Variants in RPRD2 observed in about 807,000 individuals in gnomAD.
RPRD2 encodes the protein regulation of nuclear pre-mRNA domain-containing protein 2.
In RPRD2, 12 loss-of-function variants were observed where a neutral mutation model predicts 104.4. The ratio of observed to expected loss-of-function variants is 0.11; its 90% confidence interval spans 0.07 to 0.19. The LOEUF is 0.19. Ranked by LOEUF, RPRD2 falls within the 10% of genes least tolerant of loss-of-function variation. The probability of loss-of-function intolerance (pLI) is 1.00; values close to 1 mark genes in which losing one functional copy is unlikely to be tolerated. For synonymous variants in RPRD2, 714 were observed against 684.9 expected (o/e 1.04, Z -0.66); for missense variants, 1,543 against 1,790.1 (o/e 0.86, Z 2.49).
chr1:150,444,152 G>C (rs1349354746), intron 5 of RPRD2, 99 bp from the exon 6 acceptor site: 1 of 1,165,362 alleles, frequency 8.6e-7, no homozygotes, highest in African/African-American at 1.6e-5. Flanking sequence ...TAGGGTGTTT[G>C]TTTTGTTTTG....
intron 2 of RPRD2, among the ~76,000 whole-genome samples, chr1:150,422,446 C>T (rs868960360): frequency 3.3e-5 from 5 of 151,570 alleles, no homozygotes; most frequent in South Asian, 2.1e-4. Flanking sequence ...ATTTTTTTCT[C>T]TTAAGGCTAT....
intron 7 of RPRD2, among the ~76,000 whole-genome samples, chr1:150,451,250 G>A (rs144914958): frequency 4.5e-4 from 68 of 152,210 alleles, no homozygotes; most frequent in African/African-American, 1.6e-3. Flanking sequence ...TTCATGTTTC[G>A]TCTTGTCAGA....
chr1:150,405,993 T>C (rs1251403754), intron 1 of RPRD2, among the ~76,000 whole-genome samples: 1 of 152,180 alleles, frequency 6.6e-6, no homozygotes, highest in Non-Finnish European at 1.5e-5. Context: ...GTTAAGTGCT[T>C]CCTTTAAGTG....
intron 1 of RPRD2, among the ~76,000 whole-genome samples, chr1:150,371,461 T>C (rs1365441124): frequency 1.3e-5 from 2 of 152,190 alleles, no homozygotes; most frequent in Non-Finnish European, 1.5e-5. Flanking sequence ...CCTCCCGTGT[T>C]CACTCCATTC....
chr1:150,417,968 T>C (rs1414252424), intron 2 of RPRD2, among the ~76,000 whole-genome samples: 1 of 151,646 alleles, frequency 6.6e-6, no homozygotes, highest in Non-Finnish European at 1.5e-5. Context: ...TTTCTTTTCT[T>C]TCTTTCTTTC....
intron 1 of RPRD2, among the ~76,000 whole-genome samples, chr1:150,389,051 C>T (rs587684269): frequency 6.6e-6 from 1 of 150,820 alleles, no homozygotes; most frequent in South Asian, 2.1e-4. Flanking sequence ...TTTGTTTTTC[C>T]CTGCAGACAG....
At chr1:150,387,567 C>CTTTTTTTTTTTTTTTTTTTTTTT (rs562476167) in intron 1 of RPRD2, among the ~76,000 whole-genome samples, 2 of 73,734 alleles carry the variant, frequency 2.7e-5, no homozygotes, top group Non-Finnish European at 4.9e-5. Context: ...TGCAACAGAC[C>CTTTTTTTTTTTTTTTTTTTTTTT]TTTTTTTTTT....
intron 1 of RPRD2, among the ~76,000 whole-genome samples, chr1:150,375,866 C>A (rs1660644901): frequency 1.3e-5 from 2 of 152,160 alleles, no homozygotes; most frequent in South Asian, 4.1e-4. Context: ...AAGAACAGAA[C>A]AATTTACAAA....
rs187975163 is a variant in RPRD2, at chr1:150,405,927, G to A, written c.206-11669G>A. Among the ~76,000 whole-genome samples the A allele has an allele frequency of 6.6e-5, 10 of 152,202 alleles. No homozygotes were observed. The East Asian group carries it at 1.9e-3, about 29-fold the overall frequency. On this transcript the variant is annotated intron_variant, in intron 1 of 10. Transcript: ENST00000369068. Reference sequence around the variant, plus strand: ...AGTAATCCTTAGTTTACTTAATAACGGTCCCAAAGCGCAAGAATAGTGATG... The same window carrying A: ...AGTAATCCTTAGTTTACTTAATAACAGTCCCAAAGCGCAAGAATAGTGATG...
In RPRD2 at chr1:150,444,272, C is replaced by A; in HGVS notation, c.589C>A (p.Leu197Met). 1 of 1,613,456 alleles carries A rather than the reference C, an allele frequency of 6.2e-7. No individual in the cohort carries two copies. The highest frequency in any genetic ancestry group is 8.5e-7 in the Non-Finnish European group (1 of 1,179,612). ...EFRSQALIEE[L>M]LLYKRSEDQI... ...TTAGTCTCAGGCCCTAATTGAAGAG[C>A]TGTTGCTATACAAGCGCTCAGAAGA... Residue 197 changes from leucine (L) to methionine (M), a missense_variant, in exon 6 of 11, where the codon CTG (leucine) becomes ATG (methionine). Leu to Met is a conservative substitution (Grantham distance 15, BLOSUM62 2). This residue lies in a region of RPRD2 where 572 missense variants were observed against 787.3 expected (regional missense o/e 0.73). Transcript: ENST00000369068.
intron 1 of RPRD2, among the ~76,000 whole-genome samples, chr1:150,373,958 T>A (rs1660520082): frequency 6.6e-6 from 1 of 152,160 alleles, no homozygotes; most frequent in Non-Finnish European, 1.5e-5. Flanking sequence ...CTGTCCCATT[T>A]CCTGGCATAC....
At chr1:150,400,338 T>A (rs1662874896) in intron 1 of RPRD2, among the ~76,000 whole-genome samples, 1 of 152,180 alleles carries the variant, frequency 6.6e-6, no homozygotes, top group Non-Finnish European at 1.5e-5. Flanking sequence ...CTTTCTAATC[T>A]ATATACCTTT....
intron 7 of RPRD2, among the ~76,000 whole-genome samples, chr1:150,452,668 T>C (rs963339139): frequency 1.4e-5 from 2 of 139,388 alleles, no homozygotes; most frequent in Non-Finnish European, 3.1e-5. Flanking sequence ...CCCCTTTTTT[T>C]TTTTTTTTTT....
intron 10 of RPRD2, among the ~76,000 whole-genome samples, chr1:150,469,869 T>A (rs1268584330): frequency 1.3e-5 from 2 of 152,192 alleles, no homozygotes; most frequent in African/African-American, 4.8e-5. Context: ...AAAGGACCAG[T>A]GTCCCTGGTG....
At chr1:150,384,751 C>T (rs1330666001) in intron 1 of RPRD2, among the ~76,000 whole-genome samples, 1 of 151,832 alleles carries the variant, frequency 6.6e-6, no homozygotes, top group Non-Finnish European at 1.5e-5. Context: ...AGGTGACCCA[C>T]CTGCCTCGGC....
At chr1:150,411,470 CA>C (rs1312709468) in intron 1 of RPRD2, among the ~76,000 whole-genome samples, 1 of 88,618 alleles carries the variant, frequency 1.1e-5, no homozygotes, top group African/African-American at 5.2e-5. Context: ...AAAAAAAAAA[CA>C]AAAAAAAAAC....
At chr1:150,444,947 G>A (rs765900923) in intron 6 of RPRD2, among the ~76,000 whole-genome samples, 1 of 152,162 alleles carries the variant, frequency 6.6e-6, no homozygotes, top group South Asian at 2.1e-4. Flanking sequence ...AGCACTTTGG[G>A]AAGCCAGGGC....
At chr1:150,466,538 T>C (rs1668290504) in intron 10 of RPRD2, among the ~76,000 whole-genome samples, 1 of 134,738 alleles carries the variant, frequency 7.4e-6, no homozygotes, top group African/African-American at 2.9e-5. Context: ...GATGAGACCC[T>C]GCCTCAAAAA....
intron 2 of RPRD2, among the ~76,000 whole-genome samples, chr1:150,438,483 G>T (rs1002998951): frequency 2.6e-5 from 4 of 151,848 alleles, no homozygotes; most frequent in Admixed American, 6.6e-5. Flanking sequence ...TACAAAATTA[G>T]CTGGGCGTGG....
Sources: gnomAD v4.1 joint callset for allele counts (sites outside exome capture counted in the v4.1 genomes callset) on GRCh38, gnomAD v4.1.1 for gene constraint, gnomAD v4.1.1 regional missense constraint, MANE v1.5 for transcripts, NCBI Gene and HGNC (gene_info 2026-07-23, HGNC 2026-07-21) for gene names.